Variants in TMEM87A observed in about 807,000 individuals in gnomAD.
The protein encoded by TMEM87A is transmembrane protein 87A.
Under a neutral mutation model 90.0 loss-of-function variants are expected in TMEM87A, and 50 were observed. The ratio of observed to expected loss-of-function variants is 0.56; its 90% CI spans 0.44 to 0.70. The LOEUF is 0.70. Among genes scored for constraint, TMEM87A ranks in the 30% least tolerant of loss-of-function variants. The pLI, the probability that TMEM87A is intolerant of heterozygous loss-of-function variation, is 0.00. For missense variants in TMEM87A, 577 were observed against 660.5 expected (o/e 0.87, Z 1.39); for synonymous variants, 226 against 226.7 (o/e 1.00, Z 0.03).
intron 7 of TMEM87A, 144 bp downstream of exon 7, chr15:42,243,906 T>G: frequency 2.1e-6 from 1 of 480,220 alleles, no homozygotes; most frequent in Non-Finnish European, 3.6e-6. Context: ...AACATGTTAC[T>G]AACTAAAAAT....
intron 3 of TMEM87A, among the ~76,000 whole-genome samples, chr15:42,266,253 C>T (rs141600835): frequency 3.9e-5 from 6 of 152,306 alleles, no homozygotes; most frequent in South Asian, 2.1e-4. Context: ...CAATGGCTCA[C>T]GCCTGTAATC....
intron 7 of TMEM87A, among the ~76,000 whole-genome samples, chr15:42,243,224 C>T (rs959833210): frequency 4.0e-5 from 6 of 151,354 alleles, no homozygotes; most frequent in African/African-American, 1.2e-4. Flanking sequence ...GCCGAGATTA[C>T]GCCACTGCAC....
intron 2 of TMEM87A, among the ~76,000 whole-genome samples, chr15:42,270,078 A>G (rs114062023): frequency 0.014 from 2,181 of 151,212 alleles, 49 homozygotes; most frequent in African/African-American, 0.051. Flanking sequence ...GATAATGTTA[A>G]AGTGTCTCAG....
intron 8 of TMEM87A, among the ~76,000 whole-genome samples, 161 bp from the exon 9 acceptor site, chr15:42,237,776 T>A (rs964605481): frequency 3.3e-5 from 5 of 151,518 alleles, no homozygotes; most frequent in Non-Finnish European, 7.4e-5. Flanking sequence ...AATCCTCCCA[T>A]CTCTGCCTCC....
intron 6 of TMEM87A, 92 bp from the exon 7 acceptor site, chr15:42,244,259 C>T: frequency 1.2e-6 from 1 of 829,564 alleles, no homozygotes; most frequent in Non-Finnish European, 1.9e-6. Flanking sequence ...CCAGAATGTG[C>T]CCAGAAATAT....
At chr15:42,219,920 C>CT in intron 16 of TMEM87A, 142 bp downstream of exon 16, 2 of 783,948 alleles carry the variant, frequency 2.6e-6, no homozygotes, top group Non-Finnish European at 2.0e-6. Flanking sequence ...ATGCCTTCAT[C>CT]TTAAGATTCA....
intron 15 of TMEM87A, chr15:42,224,705 CAT>C (rs1192144747): frequency 1.3e-5 from 2 of 152,206 alleles, no homozygotes; most frequent in African/African-American, 2.4e-5. Context: ...CTGTACTACA[CAT>C]GTCCCATATT....
intron 4 of TMEM87A, among the ~76,000 whole-genome samples, chr15:42,263,107 T>G (rs2051329528): frequency 6.6e-6 from 1 of 152,220 alleles, no homozygotes; most frequent in African/African-American, 2.4e-5. Flanking sequence ...GGGAACATAT[T>G]AATTAGATGA....
intron 7 of TMEM87A, among the ~76,000 whole-genome samples, chr15:42,241,367 G>A (rs913516041): frequency 2.0e-5 from 3 of 152,214 alleles, no homozygotes; most frequent in Non-Finnish European, 2.9e-5. Context: ...GGATAAGTAT[G>A]TATTTTCCAG....
chr15:42,263,456 G>C (rs544274962), intron 4 of TMEM87A, among the ~76,000 whole-genome samples: 2 of 152,262 alleles, frequency 1.3e-5, no homozygotes, highest in African/African-American at 4.8e-5. Context: ...AAAAGTACTA[G>C]AGATGGGGCT....
intron 6 of TMEM87A, among the ~76,000 whole-genome samples, chr15:42,247,063 T>A (rs1434387506): frequency 6.7e-6 from 1 of 148,352 alleles, no homozygotes. Context: ...AGCATTTTTT[T>A]CATGTGTCTG....
chr15:42,262,480 C>T (rs1167288936), intron 4 of TMEM87A, among the ~76,000 whole-genome samples: 2 of 148,176 alleles, frequency 1.3e-5, no homozygotes, highest in African/African-American at 5.0e-5. Context: ...ACTCTTGTCG[C>T]CCAGGCTGGA....
chr15:42,261,448 T>C (rs182223702), intron 4 of TMEM87A, among the ~76,000 whole-genome samples, 199 bp from the exon 5 acceptor site: 1 of 152,044 alleles, frequency 6.6e-6, no homozygotes, highest in Non-Finnish European at 1.5e-5. Context: ...GAAAATAGTA[T>C]CAAACCAAAA....
intron 6 of TMEM87A, chr15:42,258,732 G>A (rs2140975264): frequency 1.4e-6 from 2 of 1,387,856 alleles, no homozygotes; most frequent in Non-Finnish European, 1.9e-6. Context: ...CAGTCCTAAT[G>A]GCTATCTTTT....
At chr15:42,238,440 C>T (rs552510945) in intron 8 of TMEM87A, among the ~76,000 whole-genome samples, 70 of 152,034 alleles carry the variant, frequency 4.6e-4, no homozygotes, top group East Asian at 3.9e-4. Context: ...CATGGTGGTG[C>T]GCACCTGTAG....
At chr15:42,270,616 A>G (rs2051503044) in intron 2 of TMEM87A, among the ~76,000 whole-genome samples, 3 of 152,158 alleles carry the variant, frequency 2.0e-5, no homozygotes, top group Admixed American at 2.0e-4. Context: ...CAGTTGGTTT[A>G]ACTTGGCAAA....
chr15:42,227,360 C>T (rs543063025), intron 14 of TMEM87A, among the ~76,000 whole-genome samples: 1 of 152,114 alleles, frequency 6.6e-6, no homozygotes, highest in Non-Finnish European at 1.5e-5. Flanking sequence ...GATGTGGCTT[C>T]TATTCAGATT....
At chr15:42,266,090 T>C (rs574626713) in intron 3 of TMEM87A, among the ~76,000 whole-genome samples, 10 of 152,358 alleles carry the variant, frequency 6.6e-5, no homozygotes, top group African/African-American at 2.2e-4. Flanking sequence ...TTGGTTACTG[T>C]AGCCCTGTAG....
intron 7 of TMEM87A, among the ~76,000 whole-genome samples, chr15:42,240,352 C>T (rs956865486): frequency 4.6e-5 from 7 of 152,104 alleles, no homozygotes; most frequent in African/African-American, 1.4e-4. Flanking sequence ...TGAAATCTAG[C>T]TTCACAATCA....
Sources: allele counts gnomAD v4.1 joint callset (sites outside exome capture counted in the v4.1 genomes callset), GRCh38; gene constraint gnomAD v4.1.1; transcripts MANE v1.5; gene names NCBI Gene and HGNC (gene_info 2026-07-23, HGNC 2026-07-21).